The following ADAMTSL1 variants were observed in gnomAD, a reference collection of about 807,000 sequenced individuals.
ADAMTSL1 encodes ADAMTS like 1, also known as ADAMTS-like protein 1.
A neutral mutation model predicts 201.8 loss-of-function variants in ADAMTSL1; 126 were observed. The observed-to-expected ratio is 0.62, with a 90% CI of 0.54 to 0.72. The LOEUF (loss-of-function observed/expected upper bound fraction) is 0.72. ADAMTSL1 is among the 30% of genes least tolerant of loss of function. The pLI, the probability that ADAMTSL1 is intolerant of heterozygous loss-of-function variation, is 0.00. For synonymous variants in ADAMTSL1, 1,121 were observed against 903.4 expected (o/e 1.24, Z -4.32); for missense variants, 2,679 against 2,277.8 (o/e 1.18, Z -3.59).
chr9:18,149,070 C>T (rs1389667387), intron 1 of ADAMTSL1, among the ~76,000 whole-genome samples: 1 of 151,980 alleles, frequency 6.6e-6, no homozygotes, highest in Non-Finnish European at 1.5e-5. Flanking sequence ...GTGGCTTATG[C>T]TGTAGAGGAA....
intron 23 of ADAMTSL1, among the ~76,000 whole-genome samples, chr9:18,878,409 C>T (rs373184814): frequency 6.6e-6 from 1 of 152,222 alleles, no homozygotes; most frequent in Non-Finnish European, 1.5e-5. Context: ...CTCCAAGGAC[C>T]CCTGTAAGAC....
At chr9:18,095,079 G>A (rs12005517) in intron 1 of ADAMTSL1, among the ~76,000 whole-genome samples, 15,184 of 152,128 alleles carry the variant, frequency 0.1, 915 homozygotes, top group African/African-American at 0.17. Context: ...GTTCATGGAC[G>A]CAGCTTACAG....
intron 21 of ADAMTSL1, among the ~76,000 whole-genome samples, chr9:18,821,016 G>T (rs369086643): frequency 1.6e-4 from 25 of 152,308 alleles, no homozygotes; most frequent in African/African-American, 6.0e-4. Flanking sequence ...GGCTGAGGAG[G>T]TGTGGGTAGG....
At chr9:18,811,252 G>A (rs1823493198) in intron 20 of ADAMTSL1, among the ~76,000 whole-genome samples, 1 of 152,154 alleles carries the variant, frequency 6.6e-6, no homozygotes, top group African/African-American at 2.4e-5. Context: ...TCATGGAGGG[G>A]AGTATCAGAG....
chr9:18,767,978 T>C (rs1563781675), intron 16 of ADAMTSL1, among the ~76,000 whole-genome samples: 1 of 152,266 alleles, frequency 6.6e-6, no homozygotes, highest in Non-Finnish European at 1.5e-5. Flanking sequence ...TCTAGCTTCA[T>C]GGCATTGTCT....
intron 21 of ADAMTSL1, among the ~76,000 whole-genome samples, chr9:18,822,353 C>T (rs919915737): frequency 3.3e-5 from 5 of 152,192 alleles, no homozygotes; most frequent in African/African-American, 1.2e-4. Context: ...CTGACAACAC[C>T]TTGGTTTTAC....
chr9:18,307,650 C>G (rs1456790201), intron 2 of ADAMTSL1, among the ~76,000 whole-genome samples: 1 of 152,022 alleles, frequency 6.6e-6, no homozygotes, highest in Non-Finnish European at 1.5e-5. Context: ...GCTAACTATC[C>G]TAAATATATA....
intron 19 of ADAMTSL1, among the ~76,000 whole-genome samples, chr9:18,785,495 G>C (rs2133798989): frequency 6.6e-6 from 1 of 152,314 alleles, no homozygotes; most frequent in Non-Finnish European, 1.5e-5. Context: ...TGCTACATTT[G>C]TGTGTGTCTG....
chr9:18,021,489 C>G (rs182958457), intron 1 of ADAMTSL1, among the ~76,000 whole-genome samples: 1 of 152,244 alleles, frequency 6.6e-6, no homozygotes, highest in African/African-American at 2.4e-5. Flanking sequence ...ATTGTAAGAG[C>G]TTCAGTTGGT....
intron 23 of ADAMTSL1, among the ~76,000 whole-genome samples, chr9:18,863,675 C>A (rs897323413): frequency 6.6e-6 from 1 of 152,156 alleles, no homozygotes; most frequent in African/African-American, 2.4e-5. Flanking sequence ...CCAGCTCCCA[C>A]TCCTTCTAAG....
rs1388407460 is a variant in ADAMTSL1, at chr9:18,892,492, CCT to C, written c.4748_4749del (p.Pro1583ArgfsTer4). ...GCTGAAAGCCTCTGGGATCTCCACC[CCT>C]GTGTCCAATGACATGTGCACCCAGG... The part of the protein sequence containing the change: ...QKLKASGIST[P>X]VSNDMCTQVA... On this transcript the variant is annotated frameshift_variant, in exon 26 of 29. Coordinates refer to ENST00000380548, the MANE Select transcript of ADAMTSL1 (RefSeq NM_001040272.6). LOFTEE classifies it high-confidence loss of function. The C allele has an allele frequency of 1.2e-6, 2 of 1,609,270 alleles. No individual in the cohort carries two copies. The highest frequency in any genetic ancestry group is 1.7e-6 in the Non-Finnish European group (2 of 1,178,074).
At chr9:18,689,623 C>T (rs1831090365) in intron 13 of ADAMTSL1, among the ~76,000 whole-genome samples, 1 of 152,192 alleles carries the variant, frequency 6.6e-6, no homozygotes, top group South Asian at 2.1e-4. Context: ...AAAGTGAGGA[C>T]CAGTGCGGCA....
At chr9:18,359,320 C>A (rs1836396488) in intron 2 of ADAMTSL1, among the ~76,000 whole-genome samples, 1 of 152,092 alleles carries the variant, frequency 6.6e-6, no homozygotes, top group Non-Finnish European at 1.5e-5. Context: ...ATTCTTCTGC[C>A]CCCAGAATCC....
intron 2 of ADAMTSL1, among the ~76,000 whole-genome samples, chr9:18,419,904 AT>A (rs916891717): frequency 6.6e-6 from 1 of 151,858 alleles, no homozygotes; most frequent in Non-Finnish European, 1.5e-5. Context: ...TTATTTTTGT[AT>A]TTTTAGTAGA....
At chr9:18,784,404 T>G (rs935539906) in intron 19 of ADAMTSL1, among the ~76,000 whole-genome samples, 18 of 152,222 alleles carry the variant, frequency 1.2e-4, no homozygotes, top group Non-Finnish European at 2.5e-4. Context: ...AATAAAGGAA[T>G]GAATAGTTGG....
At chr9:18,789,377 A>G (rs940415989) in intron 19 of ADAMTSL1, among the ~76,000 whole-genome samples, 11 of 152,350 alleles carry the variant, frequency 7.2e-5, no homozygotes, top group Admixed American at 1.3e-4. Flanking sequence ...TAAGTAAATT[A>G]CTTGCCCAAG....
At chr9:17,939,816 A>G (rs1044071603) in intron 1 of ADAMTSL1, among the ~76,000 whole-genome samples, 2 of 152,320 alleles carry the variant, frequency 1.3e-5, no homozygotes, top group East Asian at 1.9e-4. Context: ...GCATGTATAA[A>G]TTATGGTAGA....
At chr9:18,507,417 T>C (rs1817740915) in intron 2 of ADAMTSL1, among the ~76,000 whole-genome samples, 1 of 152,230 alleles carries the variant, frequency 6.6e-6, no homozygotes, top group Non-Finnish European at 1.5e-5. Context: ...CTACAGTGAC[T>C]AAGTAAATAC....
At chr9:18,002,057 G>C (rs536271478) in intron 1 of ADAMTSL1, among the ~76,000 whole-genome samples, 26 of 152,066 alleles carry the variant, frequency 1.7e-4, no homozygotes, top group African/African-American at 5.3e-4. Context: ...TACACTGAAA[G>C]GATGAAGTCA....
Sources: allele counts gnomAD v4.1 joint callset (sites outside exome capture counted in the v4.1 genomes callset), GRCh38; gene constraint gnomAD v4.1.1; transcripts MANE v1.5; gene names NCBI Gene and HGNC (gene_info 2026-07-23, HGNC 2026-07-21).